The following MALRD1 variants were observed in gnomAD, a reference collection of about 807,000 sequenced individuals.
MALRD1 encodes MAM and LDL receptor class A domain containing 1, also known as MAM and LDL-receptor class A domain-containing protein 1.
MALRD1 carries 247 observed loss-of-function variants against 242.1 expected under a neutral mutation model. The ratio of observed to expected loss-of-function variants is 1.02; its 90% CI spans 0.92 to 1.13. The LOEUF is 1.13. Among genes scored for constraint, MALRD1 ranks in the 50% most tolerant of loss-of-function variants. The pLI is 0.00. For synonymous variants in MALRD1, 995 were observed against 866.6 expected (o/e 1.15, Z -2.60); for missense variants, 2,989 against 2,533.1 (o/e 1.18, Z -3.86).
chr10:19,680,430 G>A (rs1046045815), intron 36 of MALRD1, among the ~76,000 whole-genome samples: 9 of 152,114 alleles, frequency 5.9e-5, no homozygotes, highest in Admixed American at 4.6e-4. Flanking sequence ...TTGGTTTAAA[G>A]TGTGTTTTGC....
chr10:19,162,515 C>T (rs1263514091), intron 12 of MALRD1, among the ~76,000 whole-genome samples: 1 of 152,148 alleles, frequency 6.6e-6, no homozygotes, highest in Non-Finnish European at 1.5e-5. Context: ...TTGAGAGGCA[C>T]AGAGTTTCCA....
chr10:19,336,584 G>C (rs150027542), intron 24 of MALRD1, among the ~76,000 whole-genome samples: 1 of 152,232 alleles, frequency 6.6e-6, no homozygotes, highest in East Asian at 1.9e-4. Context: ...TCAATGACAA[G>C]ACAATGTCTA....
At chr10:19,435,790 T>C (rs1834329075) in intron 28 of MALRD1, among the ~76,000 whole-genome samples, 1 of 152,166 alleles carries the variant, frequency 6.6e-6, no homozygotes, top group South Asian at 2.1e-4. Context: ...ATCCACTGTG[T>C]GCAGCCCACG....
intron 34 of MALRD1, among the ~76,000 whole-genome samples, chr10:19,606,171 G>GA (rs1162439095): frequency 6.6e-6 from 1 of 151,892 alleles, no homozygotes; most frequent in Non-Finnish European, 1.5e-5. Context: ...TATACTTGAA[G>GA]AAAAAAATAA....
Position 19,636,551 on chromosome 10 carries a change from T to C in MALRD1, c.6137+20628T>C, listed in dbSNP as rs144435903. Among the ~76,000 whole-genome samples the C allele has an allele frequency of 5.9e-3, 893 of 152,126 alleles. 7 individuals carry two copies. Among genetic ancestry groups the C allele is most frequent in the African/African-American group, 0.02 (849 of 41,494 alleles). On this transcript the variant is annotated intron_variant, in intron 36 of 39. Transcript: ENST00000454679. ...ACAGCCTCAAAATAAATATGTATAG[T>C]AAAAATTGACCAAATTACAAGAAAA...
chr10:19,232,471 C>A (rs1428537007), intron 18 of MALRD1, among the ~76,000 whole-genome samples: 1 of 151,998 alleles, frequency 6.6e-6, no homozygotes, highest in Non-Finnish European at 1.5e-5. Context: ...AGCCACCACT[C>A]CTGGCCCAAA....
chr10:19,389,547 A>G lies in MALRD1; in HGVS notation c.4783A>G (p.Thr1595Ala). ...GTGGCGAGAATCCAGTGCAGCCTGC[A>G]CCATGAGCTTCTGGTATTTCGTATC... ...TMWRESSAAC[T>A]MSFWYFVSAK... Residue 1595 changes from threonine (T) to alanine (A), a missense_variant, in exon 28 of 40, where the codon ACC becomes GCC. Physicochemically the swap from Thr to Ala is moderately conservative, Grantham distance 58. Transcript: ENST00000454679. 2 of 1,550,750 alleles carry G rather than the reference A, an allele frequency of 1.3e-6. No homozygotes were observed. The highest frequency in any genetic ancestry group is 1.7e-6 in the Non-Finnish European group (2 of 1,146,962).
intron 29 of MALRD1, among the ~76,000 whole-genome samples, chr10:19,470,846 T>C (rs767818243): frequency 6.6e-6 from 1 of 151,942 alleles, no homozygotes; most frequent in Non-Finnish European, 1.5e-5. Context: ...AGATATATGA[T>C]TCACAAATAT....
intron 26 of MALRD1, among the ~76,000 whole-genome samples, chr10:19,364,325 GT>G (rs1400897388): frequency 6.6e-6 from 1 of 152,042 alleles, no homozygotes; most frequent in Non-Finnish European, 1.5e-5. Context: ...TAAGTGATTG[GT>G]AGGAATGAAA....
chr10:19,695,879 C>A (rs1172264985), intron 38 of MALRD1, among the ~76,000 whole-genome samples: 1 of 152,028 alleles, frequency 6.6e-6, no homozygotes, highest in Non-Finnish European at 1.5e-5. Flanking sequence ...GGGAACTCCC[C>A]TTTATAAAAC....
In MALRD1 at chr10:19,088,095, T is replaced by A; in HGVS notation, c.507T>A (p.Gly169=). 8.1e-7 allele frequency: 1 copy of A among 1,233,492 alleles called. No homozygotes were observed. The highest frequency in any genetic ancestry group is 1.0e-6 in the Non-Finnish European group (1 of 987,890). 76.4% of individuals were successfully genotyped at this position (1,233,492 alleles called of 1,614,324 possible). A position where few individuals can be genotyped will look rare whatever the true frequency, so the allele number is the denominator to read the frequency against. The change falls in exon 4 of 40, where the codon GGT becomes GGA. Residue 169 remains glycine (G), a synonymous_variant. Coordinates refer to ENST00000454679, the MANE Select transcript of MALRD1 (RefSeq NM_001142308.3). ...LMVGLQTACG[G]PIQHLWQNTA... ...TTGGGCTTCAAACTGCATGTGGAGGTCCTATTCAGCATTTATGGCAAAACA... is the reference window on the plus strand; with the variant it reads ...TTGGGCTTCAAACTGCATGTGGAGGACCTATTCAGCATTTATGGCAAAACA...
chr10:19,376,731 T>A (rs1240804958), intron 26 of MALRD1, among the ~76,000 whole-genome samples: 1 of 151,624 alleles, frequency 6.6e-6, no homozygotes, highest in South Asian at 2.1e-4. Flanking sequence ...ATTTTGTATT[T>A]TATTAGAGAC....
chr10:19,401,009 A>G (rs1234591903), intron 28 of MALRD1, among the ~76,000 whole-genome samples: 1 of 152,072 alleles, frequency 6.6e-6, no homozygotes, highest in Admixed American at 6.6e-5. Flanking sequence ...GAGGGAGACT[A>G]TGTCTCAGAA....
intron 36 of MALRD1, among the ~76,000 whole-genome samples, chr10:19,661,381 A>G (rs929971322): frequency 1.3e-5 from 2 of 152,220 alleles, no homozygotes; most frequent in Non-Finnish European, 2.9e-5. Context: ...ACTTGGAACC[A>G]ACCCAAATGT....
At chr10:19,382,074 A>G (rs766253574) in intron 26 of MALRD1, among the ~76,000 whole-genome samples, 1 of 152,154 alleles carries the variant, frequency 6.6e-6, no homozygotes, top group Non-Finnish European at 1.5e-5. Flanking sequence ...ACTCCAGTCT[A>G]TACCCTTAAT....
intron 31 of MALRD1, among the ~76,000 whole-genome samples, chr10:19,526,187 G>A (rs1834092490): frequency 1.3e-5 from 2 of 152,054 alleles, no homozygotes; most frequent in Non-Finnish European, 2.9e-5. Flanking sequence ...ATAAATGTTT[G>A]AAAGTGGGTC....
chr10:19,658,435 A>C (rs72782167), intron 36 of MALRD1, among the ~76,000 whole-genome samples: 145 of 152,226 alleles, frequency 9.5e-4, no homozygotes, highest in Non-Finnish European at 1.9e-3. Context: ...TAGCTTTTGA[A>C]AGAGAGCAGG....
intron 29 of MALRD1, among the ~76,000 whole-genome samples, chr10:19,453,906 A>G (rs554393499): frequency 8.6e-4 from 131 of 151,706 alleles, no homozygotes; most frequent in Non-Finnish European, 3.7e-4. Context: ...ATTAAAACAT[A>G]AGCCAAGCAT....
At chr10:19,530,354 A>AATATAAATATTAT (rs1554793400) in intron 31 of MALRD1, among the ~76,000 whole-genome samples, 3 of 90,392 alleles carry the variant, frequency 3.3e-5, no homozygotes, top group African/African-American at 1.2e-4. Flanking sequence ...ATAAATATAT[A>AATATAAATATTAT]ATATTTATAT....
Sources: gnomAD v4.1 joint callset for allele counts (sites outside exome capture counted in the v4.1 genomes callset) on GRCh38, gnomAD v4.1.1 for gene constraint, MANE v1.5 for transcripts, NCBI Gene and HGNC (gene_info 2026-07-23, HGNC 2026-07-21) for gene names.